Variants in TERF2 observed in about 807,000 individuals in gnomAD.
TERF2 encodes telomeric repeat-binding factor 2.
TERF2 carries 16 observed loss-of-function variants against 56.1 expected under a neutral mutation model. The observed-to-expected ratio is 0.29, with a 90% CI of 0.19 to 0.43. TERF2 has a LOEUF of 0.43. TERF2 is among the 20% of genes least tolerant of loss of function. The pLI is 1.00. For synonymous variants in TERF2, 296 were observed against 282.1 expected, an observed-to-expected ratio of 1.05 and a Z score of -0.50; for missense variants, 547 against 712.9, an observed-to-expected ratio of 0.77 and a Z score of 2.65.
At chr16:69,375,972 T>C (rs1285966927) in intron 3 of TERF2, among the ~76,000 whole-genome samples, 1 of 152,224 alleles carries the variant, frequency 6.6e-6, no homozygotes, top group Non-Finnish European at 1.5e-5. Context: ...CAGTTCTTTG[T>C]CAGGTGTGAT....
At chr16:69,372,239 G>C in intron 4 of TERF2, 30 bp downstream of exon 4, 1 of 1,518,238 alleles carries the variant, frequency 6.6e-7, no homozygotes, top group Non-Finnish European at 9.0e-7. Context: ...ATGAATTTAA[G>C]TCACAGGAGC....
chr16:69,357,877 C>T lies in TERF2; in HGVS notation c.1427-316G>A, dbSNP rs709180. Reference sequence around the variant, plus strand: ...TTTTTTTTTTTTTTTGAGACGGAGTCTTGCTCCGTTCCCCAGGCTGGAGTG... The same window carrying T: ...TTTTTTTTTTTTTTTGAGACGGAGTTTTGCTCCGTTCCCCAGGCTGGAGTG... On this transcript the variant is annotated intron_variant, in intron 8 of 9. Coordinates refer to ENST00000254942, the MANE Select transcript of TERF2 (RefSeq NM_005652.5). 6.7e-4 allele frequency among the ~76,000 whole-genome samples: 89 copies of T among 132,062 alleles called. 1 individual carries two copies. Among genetic ancestry groups the T allele is most frequent in the Non-Finnish European group, 3.3e-4 (21 of 64,460 alleles). The allele number at this position is 132,062 out of a possible 152,430, so 86.6% of individuals were successfully genotyped here. A position where few individuals can be genotyped will look rare whatever the true frequency, so the allele number is the denominator to read the frequency against.
Position 69,356,885 on chromosome 16 carries a change from A to G in TERF2, c.*13T>C. ...CCATGCTCCTGTGAATTCTGTGGAAATGAAAGCCTGTTTCAGTTCATGCCA... is the reference window on the plus strand; with the variant it reads ...CCATGCTCCTGTGAATTCTGTGGAAGTGAAAGCCTGTTTCAGTTCATGCCA... On this transcript the variant is annotated 3_prime_UTR_variant, in exon 10 of 10. Transcript: ENST00000254942. 1 of 1,606,414 alleles carries G rather than the reference A, an allele frequency of 6.2e-7. No homozygotes were observed. The highest frequency in any genetic ancestry group is 8.5e-7 in the Non-Finnish European group (1 of 1,176,368).
At chr16:69,357,639 C>T in intron 8 of TERF2, 78 bp from the exon 9 acceptor site, 1 of 1,531,502 alleles carries the variant, frequency 6.5e-7, no homozygotes, top group Non-Finnish European at 8.9e-7. Context: ...CATGGAATGT[C>T]CCCAAAGGGA....
chr16:69,366,930 A>G lies in TERF2; in HGVS notation c.1217T>C (p.Leu406Ser), dbSNP rs1452934174. The change falls in exon 7 of 10, where the codon TTG (leucine) becomes TCG (serine). Residue 406 changes from leucine to serine, a missense_variant. Leu to Ser is a moderately radical substitution (Grantham distance 145). Coordinates refer to ENST00000254942, the MANE Select transcript of TERF2 (RefSeq NM_005652.5). ...CTCAGTACTCTGGCTGTCCTCCTCC[A>G]AGACCAATCTGCTTATTGTCATGCG... ...NKRMTISRLV[L>S]EEDSQSTEPS... 1.9e-6 allele frequency: 3 copies of G among 1,614,108 alleles called. No homozygotes were observed. Among genetic ancestry groups the G allele is most frequent in the African/African-American group, 2.7e-5 (2 of 74,946 alleles).
intron 3 of TERF2, among the ~76,000 whole-genome samples, chr16:69,384,303 C>T (rs1386800670): frequency 1.3e-5 from 2 of 152,090 alleles, no homozygotes; most frequent in Non-Finnish European, 2.9e-5. Flanking sequence ...AGAGTGCTCC[C>T]GAATGGTGCA....
chr16:69,367,512 C>T (rs2013397483), intron 6 of TERF2, among the ~76,000 whole-genome samples: 1 of 152,158 alleles, frequency 6.6e-6, no homozygotes, highest in Non-Finnish European at 1.5e-5. Flanking sequence ...CTCGGCCTCC[C>T]AAAGTGCTGG....
chr16:69,357,795 A>C (rs543509570), intron 8 of TERF2, among the ~76,000 whole-genome samples: 30 of 151,978 alleles, frequency 2.0e-4, no homozygotes, highest in Non-Finnish European at 3.8e-4. Flanking sequence ...GCATCCGTAA[A>C]TGCTGGCTAG....
At chr16:69,360,317 G>A (rs1194061921) in intron 8 of TERF2, among the ~76,000 whole-genome samples, 5 of 151,776 alleles carry the variant, frequency 3.3e-5, no homozygotes, top group African/African-American at 9.7e-5. Context: ...CCTGGAAGGC[G>A]GAGGTTGCAG....
chr16:69,379,097 A>T (rs2013902422), intron 3 of TERF2, among the ~76,000 whole-genome samples: 1 of 152,230 alleles, frequency 6.6e-6, no homozygotes, highest in Admixed American at 6.5e-5. Flanking sequence ...ATAAAAGGGA[A>T]ATTCCAAGCA....
rs1597265293 is a variant in TERF2, at chr16:69,385,479, A to G, written c.387T>C (p.Leu129=). ...RQIRDIMQAL[L]VRPLGKEHTV... The stretch of plus-strand genomic sequence containing the variant: ...TGTGCTCCTTCCCCAAGGGCCTGAC[A>G]AGCAAAGCTGGGAGAGAAGACATCG... The change falls in exon 2 of 10, where the codon CTT becomes CTC. Residue 129 remains leucine (L), a synonymous_variant. Transcript: ENST00000254942. The G allele has an allele frequency of 1.9e-6, 3 of 1,614,012 alleles. No individual in the cohort carries two copies. Among genetic ancestry groups the G allele is most frequent in the East Asian group, 2.2e-5 (1 of 44,864 alleles).
At position 69,385,998 on chromosome 16, in the gene TERF2, G is replaced by C. The variant is rs1259676610; in HGVS notation, c.-27C>G. ...ATAGAAACAGCGTTCCGAGCCGCCC[G>C]CGGGCTTCTGGGAGGGAAAGGACCG... On this transcript the variant is annotated 5_prime_UTR_variant, in exon 1 of 10. Coordinates refer to ENST00000254942, the MANE Select transcript of TERF2 (RefSeq NM_005652.5). 3.1e-6 allele frequency: 4 copies of C among 1,303,806 alleles called. No homozygotes were observed. The East Asian group carries it at 9.5e-5, about 31-fold the overall frequency. The allele number at this position is 1,303,806 out of a possible 1,614,324, so 80.8% of individuals were successfully genotyped here. A position where few individuals can be genotyped will look rare whatever the true frequency, so the allele number is the denominator to read the frequency against.
chr16:69,385,357 G>T, intron 2 of TERF2, 34 bp downstream of exon 2: 1 of 1,572,088 alleles, frequency 6.4e-7, no homozygotes, highest in South Asian at 1.1e-5. Context: ...CCCTACGCAA[G>T]TAAGCCCAGA....
intron 4 of TERF2, among the ~76,000 whole-genome samples, chr16:69,371,550 G>T (rs1294837910): frequency 1.4e-5 from 2 of 147,248 alleles, no homozygotes; most frequent in Non-Finnish European, 3.0e-5. Flanking sequence ...TGGGCATGAT[G>T]ATTCACGTAA....
intron 3 of TERF2, among the ~76,000 whole-genome samples, chr16:69,381,006 T>C (rs994148004): frequency 2.0e-5 from 3 of 152,014 alleles, no homozygotes; most frequent in Admixed American, 6.5e-5. Flanking sequence ...GGTTTCACTA[T>C]GTTGGCCAGG....
At chr16:69,371,801 C>T (rs772689270) in intron 4 of TERF2, among the ~76,000 whole-genome samples, 4 of 151,726 alleles carry the variant, frequency 2.6e-5, no homozygotes, top group African/African-American at 4.8e-5. Flanking sequence ...AGCAACAAAG[C>T]GAGACTCTGC....
chr16:69,368,196 G>A (rs573532005), intron 6 of TERF2, among the ~76,000 whole-genome samples, 180 bp downstream of exon 6: 1 of 152,328 alleles, frequency 6.6e-6, no homozygotes, highest in South Asian at 2.1e-4. Context: ...AGGGACCCCA[G>A]GCATCCTGTT....
chr16:69,374,368 A>AACC (rs1481245692), intron 3 of TERF2, among the ~76,000 whole-genome samples: 5 of 152,116 alleles, frequency 3.3e-5, no homozygotes, highest in African/African-American at 1.2e-4. Context: ...GGTGGCTCAT[A>AACC]ACTGTAATCC....
intron 3 of TERF2, among the ~76,000 whole-genome samples, chr16:69,372,595 T>C (rs889927410): frequency 6.6e-6 from 1 of 152,112 alleles, no homozygotes; most frequent in African/African-American, 2.4e-5. Flanking sequence ...AAACCCCATC[T>C]CTACTAAAAA....
Sources: gnomAD v4.1 joint callset for allele counts (sites outside exome capture counted in the v4.1 genomes callset) on GRCh38, gnomAD v4.1.1 for gene constraint, MANE v1.5 for transcripts, NCBI Gene and HGNC (gene_info 2026-07-23, HGNC 2026-07-21) for gene names.